The following SAMMSON variants were observed in gnomAD, a reference collection of about 807,000 sequenced individuals.
SAMMSON encodes the protein long intergenic non-protein coding RNA 1212.
At chr3:70,181,975 T>C (rs1048614817) in intron 4 of SAMMSON, among the ~76,000 whole-genome samples, 2 of 151,770 alleles carry the variant, frequency 1.3e-5, no homozygotes, top group South Asian at 4.2e-4. Context: ...GGAAGGAGCA[T>C]TGGGGAGGGA....
chr3:70,203,567 T>G (rs1303375294), intron 4 of SAMMSON, among the ~76,000 whole-genome samples: 1 of 152,184 alleles, frequency 6.6e-6, no homozygotes, highest in Non-Finnish European at 1.5e-5. Flanking sequence ...CTTATGTTTT[T>G]TTCTGAGCAA....
intron 9 of SAMMSON, among the ~76,000 whole-genome samples, chr3:70,376,365 A>C (rs1703014544): frequency 6.6e-6 from 1 of 152,194 alleles, no homozygotes; most frequent in Admixed American, 6.5e-5. Flanking sequence ...ATGAAGTTAT[A>C]AATGCCATAT....
intron 2 of SAMMSON, among the ~76,000 whole-genome samples, chr3:70,403,771 G>T (rs1250726341): frequency 1.3e-5 from 2 of 152,048 alleles, no homozygotes; most frequent in East Asian, 3.9e-4. Context: ...TGTATCTTCT[G>T]ATCACAGATA....
intron 4 of SAMMSON, among the ~76,000 whole-genome samples, chr3:70,131,359 A>T (rs1198921829): frequency 6.6e-6 from 1 of 152,172 alleles, no homozygotes; most frequent in African/African-American, 2.4e-5. Flanking sequence ...AGGAGTAGGA[A>T]ATTTGCTTAG....
intron 3 of SAMMSON, among the ~76,000 whole-genome samples, chr3:70,067,504 C>G (rs1212578085): frequency 6.6e-6 from 1 of 151,988 alleles, no homozygotes; most frequent in Non-Finnish European, 1.5e-5. Context: ...ACCTCGCCCC[C>G]ACTTGGAACT....
At chr3:70,402,487 T>G (rs1386363884) in intron 2 of SAMMSON, among the ~76,000 whole-genome samples, 2 of 152,228 alleles carry the variant, frequency 1.3e-5, no homozygotes, top group African/African-American at 4.8e-5. Context: ...GTTGGTGTAT[T>G]TTTTTAAAGG....
intron 6 of SAMMSON, chr3:70,283,574 C>T (rs1416607791): frequency 6.6e-6 from 1 of 152,070 alleles, no homozygotes; most frequent in Non-Finnish European, 1.5e-5. Flanking sequence ...GTTACCTCAT[C>T]TATACAATGA....
At chr3:70,240,382 G>A (rs1407575349) in intron 4 of SAMMSON, among the ~76,000 whole-genome samples, 1 of 151,902 alleles carries the variant, frequency 6.6e-6, no homozygotes, top group African/African-American at 2.4e-5. Context: ...GTAGAAGTGA[G>A]CTATGTGGTT....
intron 6 of SAMMSON, among the ~76,000 whole-genome samples, chr3:70,276,425 T>C (rs1702027058): frequency 6.6e-6 from 1 of 152,202 alleles, no homozygotes; most frequent in Non-Finnish European, 1.5e-5. Flanking sequence ...CAAATACCCA[T>C]AACAAATCTT....
intron 4 of SAMMSON, among the ~76,000 whole-genome samples, chr3:70,245,678 T>C (rs1331291688): frequency 4.0e-5 from 4 of 100,606 alleles, no homozygotes; most frequent in African/African-American, 2.2e-4. Context: ...GCTTTATATA[T>C]ATATATATAT....
chr3:70,226,057 C>A (rs989678893), intron 4 of SAMMSON, among the ~76,000 whole-genome samples: 1 of 152,130 alleles, frequency 6.6e-6, no homozygotes, highest in African/African-American at 2.4e-5. Flanking sequence ...GATTAATCAA[C>A]ATTCACTTAA....
At chr3:70,304,018 G>A (rs1702376752) in intron 7 of SAMMSON, among the ~76,000 whole-genome samples, 1 of 152,132 alleles carries the variant, frequency 6.6e-6, no homozygotes, top group African/African-American at 2.4e-5. Context: ...TAGTAGGATA[G>A]AGTTTACTAC....
chr3:70,256,827 T>C (rs920126524), intron 6 of SAMMSON, among the ~76,000 whole-genome samples: 1 of 152,202 alleles, frequency 6.6e-6, no homozygotes, highest in Non-Finnish European at 1.5e-5. Flanking sequence ...GAATGCAAAG[T>C]AGATGGGCTG....
chr3:70,254,434 A>T (rs1042537549), intron 6 of SAMMSON, among the ~76,000 whole-genome samples: 1 of 152,194 alleles, frequency 6.6e-6, no homozygotes, highest in Non-Finnish European at 1.5e-5. Flanking sequence ...AAATAACATG[A>T]TCCATTTTAG....
Position 70,244,072 on chromosome 3 carries a change from C to T in SAMMSON, n.508-5035C>T, listed in dbSNP as rs909313835. On this transcript the variant is annotated intron_variant and non_coding_transcript_variant, in intron 4 of 9. Coordinates refer to ENST00000642114, the Ensembl canonical transcript of SAMMSON. ...CTTCACAGATTTTCCACCGTAACTACTTTCCTAGCCTAACCTCCCTGCTCT... is the reference window on the plus strand; with the variant it reads ...CTTCACAGATTTTCCACCGTAACTATTTTCCTAGCCTAACCTCCCTGCTCT... Among the ~76,000 whole-genome samples, 4 of 152,322 alleles carry T rather than the reference C, an allele frequency of 2.6e-5. No homozygotes were observed. The East Asian group carries it at 5.8e-4, about 22-fold the overall frequency.
At chr3:70,044,756 A>G (rs1053902793) in intron 3 of SAMMSON, among the ~76,000 whole-genome samples, 1 of 151,354 alleles carries the variant, frequency 6.6e-6, no homozygotes, top group Non-Finnish European at 1.5e-5. Flanking sequence ...TACAATATAT[A>G]TTACATAAAT....
At chr3:70,410,100 A>C (rs961997593) in intron 2 of SAMMSON, among the ~76,000 whole-genome samples, 1 of 152,168 alleles carries the variant, frequency 6.6e-6, no homozygotes, top group African/African-American at 2.4e-5. Flanking sequence ...AGGCTTCTGA[A>C]CTGAAAAATC....
chr3:70,213,439 G>T (rs570202821), intron 4 of SAMMSON, among the ~76,000 whole-genome samples: 6 of 152,074 alleles, frequency 3.9e-5, no homozygotes, highest in African/African-American at 1.2e-4. Flanking sequence ...CAAACGTATA[G>T]ACCATTTTTT....
intron 4 of SAMMSON, among the ~76,000 whole-genome samples, chr3:70,110,185 C>G (rs973991054): frequency 1.3e-5 from 2 of 152,180 alleles, no homozygotes; most frequent in African/African-American, 4.8e-5. Flanking sequence ...GTGTGTCTTT[C>G]TCTCTACTCT....
Sources: gnomAD v4.1 joint callset for allele counts (sites outside exome capture counted in the v4.1 genomes callset) on GRCh38, gnomAD v4.1.1 for gene constraint, MANE v1.5 for transcripts, NCBI Gene and HGNC (gene_info 2026-07-23, HGNC 2026-07-21) for gene names.